Variants in TNR observed in about 807,000 individuals in gnomAD.
TNR encodes the protein tenascin-R.
Under a neutral mutation model 150.4 loss-of-function variants are expected in TNR, and 45 were observed. That is an observed-to-expected ratio of 0.30 (90% CI 0.24 to 0.38). TNR has a LOEUF of 0.38. TNR is among the 10% of genes least tolerant of loss of function. The probability of loss-of-function intolerance (pLI) is 1.00; values close to 1 mark genes in which losing one functional copy is unlikely to be tolerated. For synonymous variants in TNR, 687 were observed against 678.4 expected (o/e 1.01, Z -0.20); for missense variants, 1,544 against 1,759.1 (o/e 0.88, Z 2.19).
At chr1:175,479,463 G>T (rs778940665) in intron 2 of TNR, among the ~76,000 whole-genome samples, 7 of 152,074 alleles carry the variant, frequency 4.6e-5, no homozygotes, top group Non-Finnish European at 8.8e-5. Flanking sequence ...CAAGTGGGTG[G>T]GGTAGACTTC....
chr1:175,490,051 G>C (rs555366287), intron 2 of TNR, among the ~76,000 whole-genome samples: 1 of 152,254 alleles, frequency 6.6e-6, no homozygotes, highest in Admixed American at 6.5e-5. Context: ...ACAAAATAGA[G>C]ATCTCAGAAA....
intron 1 of TNR, among the ~76,000 whole-genome samples, chr1:175,725,658 G>A (rs10913067): frequency 0.16 from 23,745 of 152,222 alleles, 2,186 homozygotes; most frequent in Middle Eastern, 0.24. Flanking sequence ...GGGAAAATAG[G>A]TACTTGTTTT....
At chr1:175,527,035 T>G (rs779195247) in intron 2 of TNR, among the ~76,000 whole-genome samples, 3 of 152,226 alleles carry the variant, frequency 2.0e-5, no homozygotes, top group Non-Finnish European at 4.4e-5. Flanking sequence ...TCCACACAAG[T>G]GCTTTCCCTG....
At chr1:175,629,366 C>A (rs1664255155) in intron 1 of TNR, among the ~76,000 whole-genome samples, 1 of 152,122 alleles carries the variant, frequency 6.6e-6, no homozygotes, top group Admixed American at 6.5e-5. Flanking sequence ...CAAGAGTAGG[C>A]AGGAATGTCA....
At chr1:175,602,313 G>A (rs1174733253) in intron 1 of TNR, among the ~76,000 whole-genome samples, 1 of 151,104 alleles carries the variant, frequency 6.6e-6, no homozygotes, top group Non-Finnish European at 1.5e-5. Context: ...TTGCATCAGA[G>A]CTTGTTAAAA....
intron 1 of TNR, among the ~76,000 whole-genome samples, chr1:175,644,218 A>G (rs1664746984): frequency 5.3e-5 from 8 of 152,220 alleles, no homozygotes; most frequent in Admixed American, 5.2e-4. Flanking sequence ...CAACAGACAC[A>G]TTGTCCAACA....
intron 1 of TNR, among the ~76,000 whole-genome samples, chr1:175,645,764 T>G (rs1664794524): frequency 6.6e-6 from 1 of 152,236 alleles, no homozygotes; most frequent in Admixed American, 6.5e-5. Flanking sequence ...AATAAATGAT[T>G]GTCATATACC....
chr1:175,420,688 C>T (rs1055539428), intron 2 of TNR, among the ~76,000 whole-genome samples: 3 of 152,282 alleles, frequency 2.0e-5, no homozygotes, highest in South Asian at 2.1e-4. Flanking sequence ...TTCATAATCA[C>T]GACTGATTCC....
intron 1 of TNR, among the ~76,000 whole-genome samples, chr1:175,652,761 C>A (rs2101890694): frequency 6.6e-6 from 1 of 152,322 alleles, no homozygotes; most frequent in Admixed American, 6.5e-5. Context: ...GCCTGCAGAA[C>A]TGTGAGTCAA....
intron 2 of TNR, among the ~76,000 whole-genome samples, chr1:175,436,210 T>C (rs1359761905): frequency 2.0e-4 from 30 of 152,212 alleles, no homozygotes. Context: ...GGAAGTTCTC[T>C]TGGATAATAT....
intron 3 of TNR, among the ~76,000 whole-genome samples, chr1:175,404,684 T>C (rs1474736538): frequency 6.6e-6 from 1 of 152,202 alleles, no homozygotes; most frequent in African/African-American, 2.4e-5. Flanking sequence ...ATTTTTCCCA[T>C]GTTTGCCAGG....
intron 1 of TNR, among the ~76,000 whole-genome samples, chr1:175,565,583 A>G (rs1447730494): frequency 3.3e-5 from 5 of 152,170 alleles, no homozygotes; most frequent in African/African-American, 1.2e-4. Context: ...ACACTTATAC[A>G]TTGTTGGCAT....
At chr1:175,517,176 C>G (rs571911033) in intron 2 of TNR, among the ~76,000 whole-genome samples, 2 of 152,242 alleles carry the variant, frequency 1.3e-5, no homozygotes, top group Non-Finnish European at 2.9e-5. Flanking sequence ...CCCCTACCTC[C>G]CCCCAACATT....
At chr1:175,513,793 C>T (rs1446929675) in intron 2 of TNR, among the ~76,000 whole-genome samples, 2 of 152,220 alleles carry the variant, frequency 1.3e-5, no homozygotes, top group Non-Finnish European at 2.9e-5. Flanking sequence ...TAAGCTCTTT[C>T]CTCTGCCTGC....
chr1:175,564,281 C>T (rs1445816649), intron 1 of TNR, among the ~76,000 whole-genome samples: 1 of 152,130 alleles, frequency 6.6e-6, no homozygotes, highest in African/African-American at 2.4e-5. Context: ...CCACCCCAAG[C>T]AGGACGGGCG....
At chr1:175,435,650 C>T (rs956884760) in intron 2 of TNR, among the ~76,000 whole-genome samples, 3 of 152,150 alleles carry the variant, frequency 2.0e-5, no homozygotes, top group Admixed American at 6.5e-5. Flanking sequence ...AAGGACTGAT[C>T]CCTGTGACAC....
chr1:175,642,474 A>G (rs909189859), intron 1 of TNR, among the ~76,000 whole-genome samples: 2 of 152,150 alleles, frequency 1.3e-5, no homozygotes, highest in Non-Finnish European at 2.9e-5. Context: ...GGAATTACTA[A>G]AGTGGTTTAA....
intron 1 of TNR, among the ~76,000 whole-genome samples, chr1:175,654,130 C>T (rs911218004): frequency 1.3e-5 from 2 of 152,168 alleles, no homozygotes; most frequent in Admixed American, 1.3e-4. Context: ...TTGTGCCTTC[C>T]TCAATGGCTT....
chr1:175,358,977 G>A (rs1019772134), intron 15 of TNR, among the ~76,000 whole-genome samples: 1 of 151,884 alleles, frequency 6.6e-6, no homozygotes, highest in African/African-American at 2.4e-5. Flanking sequence ...CTTGTTTGTA[G>A]CATTTTGGGG....
Sources: allele counts gnomAD v4.1 joint callset (sites outside exome capture counted in the v4.1 genomes callset), GRCh38; gene constraint gnomAD v4.1.1; transcripts MANE v1.5; gene names NCBI Gene and HGNC (gene_info 2026-07-23, HGNC 2026-07-21).